MDN1: variants seen among roughly 807,000 people sequenced by gnomAD.
MDN1 encodes the protein midasin.
Under a neutral mutation model 669.2 loss-of-function variants are expected in MDN1, and 266 were observed. The ratio of observed to expected loss-of-function variants is 0.40; its 90% CI spans 0.36 to 0.44. The LOEUF (loss-of-function observed/expected upper bound fraction) is 0.44. MDN1 is among the 20% of genes least tolerant of loss of function. The probability of loss-of-function intolerance (pLI) is 1.00; values close to 1 mark genes in which losing one functional copy is unlikely to be tolerated. For synonymous variants in MDN1, 2,385 were observed against 2,457.1 expected (o/e 0.97, Z 0.87); for missense variants, 5,940 against 6,754.0 (o/e 0.88, Z 4.22).
intron 88 of MDN1, among the ~76,000 whole-genome samples, chr6:89,660,830 T>C (rs1809696077): frequency 6.6e-6 from 1 of 152,224 alleles, no homozygotes; most frequent in Admixed American, 6.5e-5. Context: ...TCTTTCTGTC[T>C]GATTAAGCAG....
intron 1 of MDN1, among the ~76,000 whole-genome samples, 199 bp downstream of exon 1, chr6:89,819,307 A>T (rs1285265146): frequency 6.6e-6 from 1 of 152,158 alleles, no homozygotes; most frequent in Admixed American, 6.6e-5. Context: ...CCCAGATAAA[A>T]ACAAAAGACT....
At chr6:89,789,505 G>A (rs1819140728) in intron 7 of MDN1, among the ~76,000 whole-genome samples, 1 of 152,038 alleles carries the variant, frequency 6.6e-6, no homozygotes, top group Non-Finnish European at 1.5e-5. Context: ...TTCAATTAAG[G>A]GAGGAAAATA....
chr6:89,701,366 C>A (rs1813149996), intron 55 of MDN1, among the ~76,000 whole-genome samples, 192 bp downstream of exon 55: 1 of 152,212 alleles, frequency 6.6e-6, no homozygotes, highest in Non-Finnish European at 1.5e-5. Flanking sequence ...ATATAAAAGT[C>A]TTGGACTTTC....
At chr6:89,723,218 C>T in intron 39 of MDN1, 75 bp from the exon 40 acceptor site, 3 of 1,403,388 alleles carry the variant, frequency 2.1e-6, no homozygotes, top group Non-Finnish European at 2.9e-6. Context: ...TAGGAATGTA[C>T]TACAAAAGCA....
rs1813008515 is a variant in MDN1, at chr6:89,699,691, C to G, written c.8907G>C (p.Glu2969Asp). ...GACAAAATGAGATGAGGTGACTTATCTCCTCATTTATCTGGGGTTGTTGAT... is the reference window on the plus strand; with the variant it reads ...GACAAAATGAGATGAGGTGACTTATGTCCTCATTTATCTGGGGTTGTTGAT... ...SKNQQPQINE[E>D]ISHLISFCLY... Residue 2969 changes from glutamate (E) to aspartate (D), a missense_variant, in exon 58 of 102, where the codon GAG becomes GAC. Physicochemically the swap from Glu to Asp is conservative, Grantham distance 45 (BLOSUM62 2). Transcript: ENST00000369393. 1 of 1,613,848 alleles carries G rather than the reference C, an allele frequency of 6.2e-7. No individual in the cohort carries two copies. The highest frequency in any genetic ancestry group is 1.3e-5 in the African/African-American group (1 of 74,888).
intron 84 of MDN1, among the ~76,000 whole-genome samples, chr6:89,667,804 G>T (rs769614155): frequency 9.9e-5 from 15 of 151,504 alleles, no homozygotes; most frequent in Non-Finnish European, 1.9e-4. Flanking sequence ...CATAATTATA[G>T]CCAAAACCAA....
intron 8 of MDN1, among the ~76,000 whole-genome samples, chr6:89,786,921 T>C (rs1818990491): frequency 2.1e-5 from 1 of 47,008 alleles, no homozygotes. Flanking sequence ...TGAGACTCCA[T>C]CTCAAAAAAA....
intron 97 of MDN1, among the ~76,000 whole-genome samples, chr6:89,648,626 G>C (rs1223620807): frequency 6.6e-6 from 1 of 151,956 alleles, no homozygotes; most frequent in Non-Finnish European, 1.5e-5. Flanking sequence ...CCAGCACTTT[G>C]GGAGGCCAAG....
At chr6:89,646,654 T>A in intron 99 of MDN1, 51 bp from the exon 100 acceptor site, 1 of 1,483,450 alleles carries the variant, frequency 6.7e-7, no homozygotes. Context: ...AATGCTCTTC[T>A]CATTGTCAAA....
At chr6:89,802,455 C>T (rs1367414770) in intron 2 of MDN1, among the ~76,000 whole-genome samples, 1 of 152,188 alleles carries the variant, frequency 6.6e-6, no homozygotes, top group Non-Finnish European at 1.5e-5. Flanking sequence ...GAGGTCGAGG[C>T]GGGCAGATCA....
rs778146883 is a variant in MDN1 at position 89,762,541 on chromosome 6, C to CA, written c.2145-12dup. 6.3e-7 allele frequency: 1 copy of CA among 1,594,286 alleles called. No individual in the cohort carries two copies. Among genetic ancestry groups the CA allele is most frequent in the Non-Finnish European group, 8.6e-7 (1 of 1,165,564 alleles). On this transcript the variant is annotated splice_polypyrimidine_tract_variant and intron_variant, in intron 15 of 101. Transcript: ENST00000369393. The stretch of plus-strand genomic sequence containing the variant: ...TCCACCGGTTTATAACTGAAACAGA[C>CA]ACAGGTAAATGTGATTCACAAACTT...
intron 77 of MDN1, 98 bp downstream of exon 77, chr6:89,676,004 G>A: frequency 2.9e-6 from 3 of 1,033,434 alleles, no homozygotes; most frequent in Admixed American, 2.1e-5. Context: ...CCACTAACAG[G>A]CTGTTATCAC....
intron 74 of MDN1, 29 bp downstream of exon 74, chr6:89,680,560 C>G (rs1360459371): frequency 6.2e-7 from 1 of 1,603,380 alleles, no homozygotes; most frequent in Admixed American, 1.7e-5. Context: ...ACAGAAAGAT[C>G]CACCCTTGAC....
rs1254276219 is a variant in MDN1 at position 89,686,070 on chromosome 6, AAGAG to A, written c.11573-101_11573-98del. 1.2e-5 allele frequency: 14 copies of A among 1,200,440 alleles called. No homozygotes were observed. In the East Asian group the frequency reaches 1.2e-4, roughly 11 times the overall value. 74.4% of individuals were successfully genotyped at this position (1,200,440 alleles called of 1,614,324 possible). A position where few individuals can be genotyped will look rare whatever the true frequency, so the allele number is the denominator to read the frequency against. ...TCTATTTGGGATACTACGGATGGCC[AAGAG>A]GTAGACATCACAATGTGAAGCTCTC... On this transcript the variant is annotated intron_variant, in intron 69 of 101. Coordinates refer to ENST00000369393, the MANE Select transcript of MDN1 (RefSeq NM_014611.3).
At chr6:89,653,376 T>C (rs1457815370) in intron 93 of MDN1, among the ~76,000 whole-genome samples, 2 of 152,344 alleles carry the variant, frequency 1.3e-5, no homozygotes, top group Non-Finnish European at 1.5e-5. Context: ...TGAAGGCAGA[T>C]GTTCTTGGAA....
chr6:89,648,942 T>C (rs1808668345), intron 97 of MDN1, among the ~76,000 whole-genome samples: 1 of 149,332 alleles, frequency 6.7e-6, no homozygotes, highest in Non-Finnish European at 1.5e-5. Context: ...TGAGCTATGA[T>C]CATGCCACTG....
chr6:89,654,598 G>A (rs1809114627), intron 92 of MDN1, among the ~76,000 whole-genome samples: 2 of 152,008 alleles, frequency 1.3e-5, no homozygotes, highest in South Asian at 2.1e-4. Flanking sequence ...GCTGCCTTCC[G>A]CCCTACAGTA....
intron 40 of MDN1, among the ~76,000 whole-genome samples, chr6:89,722,604 T>G (rs1429496828): frequency 6.6e-6 from 1 of 152,094 alleles, no homozygotes; most frequent in African/African-American, 2.4e-5. Context: ...ATCCCAGCAC[T>G]TTGGGAGGCT....
intron 70 of MDN1, among the ~76,000 whole-genome samples, chr6:89,685,484 C>T (rs1472584127): frequency 1.3e-5 from 2 of 152,080 alleles, no homozygotes; most frequent in Non-Finnish European, 2.9e-5. Flanking sequence ...GCAGTGCTCT[C>T]ACTGGATGAA....
Sources: allele counts gnomAD v4.1 joint callset (sites outside exome capture counted in the v4.1 genomes callset), GRCh38; gene constraint gnomAD v4.1.1; transcripts MANE v1.5; gene names NCBI Gene and HGNC (gene_info 2026-07-23, HGNC 2026-07-21).